Variants in MSRA observed in about 807,000 individuals in gnomAD.
The protein encoded by MSRA is mitochondrial peptide methionine sulfoxide reductase.
MSRA carries 54 observed loss-of-function variants against 31.3 expected under a neutral mutation model. That is an observed-to-expected ratio of 1.73 (90% confidence interval 1.39 to 2.17). The LOEUF (loss-of-function observed/expected upper bound fraction) is 2.17. MSRA is among the 30% of genes most tolerant of loss of function. The pLI is 0.00. For synonymous variants in MSRA, 169 were observed against 116.5 expected (o/e 1.45, Z -2.90); for missense variants, 507 against 300.9 (o/e 1.69, Z -5.07).
In MSRA at chr8:10,276,692, A is replaced by AGTT. The variant is rs1275987846; in HGVS notation, c.332-24841_332-24840insTTG. Among the ~76,000 whole-genome samples, 3 of 152,346 alleles carry AGTT rather than the reference A, an allele frequency of 2.0e-5. No homozygotes were observed. In the East Asian group the frequency reaches 5.8e-4, roughly 29 times the overall value. On this transcript the variant is annotated intron_variant, in intron 3 of 5. Coordinates refer to ENST00000317173, the MANE Select transcript of MSRA (RefSeq NM_012331.5). ...AGTTAGGTTGATTGCAGTTTCTAAG[A>AGTT]GAAGTCTTTAATGTTTCAGGAGCAA...
At chr8:10,155,975 A>C (rs747044741) in intron 1 of MSRA, among the ~76,000 whole-genome samples, 5 of 152,152 alleles carry the variant, frequency 3.3e-5, no homozygotes, top group Non-Finnish European at 5.9e-5. Context: ...GTGCTTTTGC[A>C]ATGTAGAGAT....
chr8:10,148,398 A>G (rs549797611), intron 1 of MSRA, among the ~76,000 whole-genome samples: 2 of 151,902 alleles, frequency 1.3e-5, no homozygotes, highest in South Asian at 4.2e-4. Context: ...CTGTAATCCC[A>G]GCACTTTGGA....
chr8:10,405,819 A>G (rs770651487), intron 5 of MSRA, among the ~76,000 whole-genome samples: 46 of 137,070 alleles, frequency 3.4e-4, no homozygotes, highest in Non-Finnish European at 6.4e-4. Flanking sequence ...GCGTACACCC[A>G]TGTGCTCACA....
At chr8:10,084,357 C>A (rs1798445501) in intron 1 of MSRA, among the ~76,000 whole-genome samples, 1 of 152,266 alleles carries the variant, frequency 6.6e-6, no homozygotes, top group East Asian at 1.9e-4. Flanking sequence ...ACGACAGTGA[C>A]CCCTGCCCGG....
intron 5 of MSRA, among the ~76,000 whole-genome samples, chr8:10,402,896 C>G (rs917108491): frequency 4.6e-5 from 7 of 152,230 alleles, no homozygotes; most frequent in African/African-American, 1.7e-4. Context: ...CCCTGATTCT[C>G]CTGCTATTTG....
intron 2 of MSRA, among the ~76,000 whole-genome samples, chr8:10,229,249 T>A (rs993052714): frequency 3.7e-4 from 56 of 152,092 alleles, no homozygotes; most frequent in Middle Eastern, 3.4e-3. Context: ...CAGGAGATGG[T>A]GAGAAGGTCA....
chr8:10,339,583 C>A (rs886656804), intron 5 of MSRA, among the ~76,000 whole-genome samples: 1 of 140,038 alleles, frequency 7.1e-6, no homozygotes, highest in South Asian at 2.3e-4. Flanking sequence ...GTTCTGTCGC[C>A]CAGGCTGGAG....
intron 1 of MSRA, among the ~76,000 whole-genome samples, chr8:10,083,756 T>G (rs901477250): frequency 4.6e-5 from 7 of 152,220 alleles, no homozygotes; most frequent in African/African-American, 1.7e-4. Flanking sequence ...TTTGAAGATT[T>G]AAGGTAATAA....
chr8:10,271,488 A>G (rs966347196), intron 3 of MSRA, among the ~76,000 whole-genome samples: 5 of 152,288 alleles, frequency 3.3e-5, no homozygotes, highest in African/African-American at 7.2e-5. Context: ...TAGGGTGACA[A>G]TAATCAGGGG....
intron 1 of MSRA, among the ~76,000 whole-genome samples, chr8:10,062,228 TGCA>T (rs758672466): frequency 6.6e-6 from 1 of 152,144 alleles, no homozygotes; most frequent in Admixed American, 6.5e-5. Flanking sequence ...CTCCTTCCCA[TGCA>T]GCAGCAGCAG....
chr8:10,302,422 T>G (rs900574039), intron 4 of MSRA, among the ~76,000 whole-genome samples: 8 of 152,248 alleles, frequency 5.3e-5, no homozygotes, highest in Non-Finnish European at 7.3e-5. Flanking sequence ...ACCCTCTTCA[T>G]TTGGCAGTCA....
intron 1 of MSRA, among the ~76,000 whole-genome samples, chr8:10,131,319 G>C (rs188953054): frequency 6.6e-6 from 1 of 152,210 alleles, no homozygotes; most frequent in Non-Finnish European, 1.5e-5. Context: ...ATTACTTCTA[G>C]CTGATAGGAT....
chr8:10,328,880 A>C (rs562993467), intron 5 of MSRA, among the ~76,000 whole-genome samples: 1 of 152,266 alleles, frequency 6.6e-6, no homozygotes, highest in African/African-American at 2.4e-5. Context: ...TTGTATTTCA[A>C]AGTTGATCCC....
intron 1 of MSRA, among the ~76,000 whole-genome samples, chr8:10,100,189 G>T (rs1406785159): frequency 1.3e-5 from 2 of 152,192 alleles, no homozygotes; most frequent in Non-Finnish European, 2.9e-5. Flanking sequence ...GGGCTGCATG[G>T]GGGGATGTAA....
chr8:10,079,396 C>G (rs913102091), intron 1 of MSRA, among the ~76,000 whole-genome samples: 2 of 152,270 alleles, frequency 1.3e-5, no homozygotes, highest in South Asian at 4.2e-4. Context: ...CTCAAGCAAT[C>G]TGCCTTCCTA....
intron 1 of MSRA, among the ~76,000 whole-genome samples, chr8:10,065,692 A>G (rs1797421391): frequency 6.6e-6 from 1 of 152,254 alleles, no homozygotes; most frequent in African/African-American, 2.4e-5. Flanking sequence ...AGATTTATGA[A>G]AGAGCTGAAG....
chr8:10,303,386 A>G (rs1197778410), intron 4 of MSRA, among the ~76,000 whole-genome samples: 1 of 152,136 alleles, frequency 6.6e-6, no homozygotes, highest in Non-Finnish European at 1.5e-5. Context: ...GAATACTACT[A>G]TGATGAGGGT....
chr8:10,414,447 C>G (rs999595192), intron 5 of MSRA, among the ~76,000 whole-genome samples: 1 of 152,182 alleles, frequency 6.6e-6, no homozygotes, highest in Non-Finnish European at 1.5e-5. Context: ...TCTCAGTTTG[C>G]CAGGACTTTC....
At chr8:10,069,161 G>C (rs1243757848) in intron 1 of MSRA, among the ~76,000 whole-genome samples, 1 of 152,142 alleles carries the variant, frequency 6.6e-6, no homozygotes, top group Non-Finnish European at 1.5e-5. Flanking sequence ...ATTAGTTCCA[G>C]GATGTTTTCT....
Sources: allele counts gnomAD v4.1 joint callset (sites outside exome capture counted in the v4.1 genomes callset), GRCh38; gene constraint gnomAD v4.1.1; transcripts MANE v1.5; gene names NCBI Gene and HGNC (gene_info 2026-07-23, HGNC 2026-07-21).